The following BRCA1 variants were observed in gnomAD, a reference collection of about 807,000 sequenced individuals.
BRCA1 encodes the protein BRCA1 DNA repair associated.
In BRCA1, 140 loss-of-function variants were observed where a neutral mutation model predicts 173.7. That is an observed-to-expected ratio of 0.81 (90% CI 0.70 to 0.93). The LOEUF is 0.93. Ranked by LOEUF, BRCA1 falls within the 40% of genes least tolerant of loss-of-function variation. BRCA1 has a pLI of 0.00. For synonymous variants in BRCA1, 662 were observed against 756.0 expected (o/e 0.88, Z 2.04); for missense variants, 1,983 against 2,172.5 (o/e 0.91, Z 1.73).
chr17:43,143,768 G>A (rs1320408988), intron 1 of BRCA1, among the ~76,000 whole-genome samples: 2 of 152,138 alleles, frequency 1.3e-5, no homozygotes, highest in East Asian at 1.9e-4. Flanking sequence ...GGCAGTACAC[G>A]TGAATGGAGA....
intron 1 of BRCA1, among the ~76,000 whole-genome samples, chr17:43,155,649 C>G (rs2056192148): frequency 6.6e-6 from 1 of 152,136 alleles, no homozygotes; most frequent in African/African-American, 2.4e-5. Flanking sequence ...TCTTGTGCCT[C>G]AGCCTTCCAA....
chr17:43,135,896 CCT>C (rs1183822328), intron 1 of BRCA1, among the ~76,000 whole-genome samples: 2 of 152,214 alleles, frequency 1.3e-5, no homozygotes, highest in Admixed American at 6.5e-5. Context: ...AGGCGCCCGG[CCT>C]CTCACACCCT....
intron 18 of BRCA1, among the ~76,000 whole-genome samples, chr17:43,062,169 C>T (rs763492078): frequency 6.8e-6 from 1 of 147,152 alleles, no homozygotes; most frequent in Non-Finnish European, 1.5e-5. Flanking sequence ...TCATAGCTCA[C>T]TGCAGCCTTG....
chr17:43,077,891 T>A lies in BRCA1; in HGVS notation c.4358-1277A>T, dbSNP rs4318274. Among the ~76,000 whole-genome samples, 74,375 of 151,136 alleles carry A rather than the reference T, an allele frequency of 0.49. 21,647 individuals carry two copies. The highest frequency in any genetic ancestry group is 0.82 in the African/African-American group (34,011 of 41,244). On this transcript the variant is annotated intron_variant, in intron 12 of 22. Transcript: ENST00000357654. ...GTTGGGATTACAGGTATGCACCACC[T>A]CGCCCAACTAATTTTGTATTTTTAG...
Position 43,093,159 on chromosome 17 carries a change from A to G in BRCA1, c.2372T>C (p.Leu791Pro). Residue 791 changes from leucine to proline, a missense_variant, in exon 10 of 23, where the codon CTA (leucine) becomes CCA (proline). By Grantham distance (98) the Leu-to-Pro change is moderately conservative (BLOSUM62 -3). Coordinates refer to ENST00000357654, the MANE Select transcript of BRCA1 (RefSeq NM_007294.4). ...ESISLLEVST[L>P]GKAKTEPNKC... ...ATTTGGTTCTGTTTTTGCCTTCCCT[A>G]GAGTGCTAACTTCCAGTAACGAGAT... 4 of 1,613,760 alleles carry G rather than the reference A, an allele frequency of 2.5e-6. No individual in the cohort carries two copies. The highest frequency in any genetic ancestry group is 3.4e-6 in the Non-Finnish European group (4 of 1,179,906).
intron 2 of BRCA1, among the ~76,000 whole-genome samples, chr17:43,121,399 A>G (rs1039781534): frequency 6.6e-6 from 1 of 151,286 alleles, no homozygotes; most frequent in Non-Finnish European, 1.5e-5. Context: ...AAACAAAACA[A>G]AAAGTCTGGG....
intron 5 of BRCA1, 92 bp downstream of exon 5, chr17:43,104,776 C>CTTA (rs1027218314): frequency 7.7e-6 from 9 of 1,163,636 alleles, no homozygotes; most frequent in Non-Finnish European, 1.2e-5. Context: ...ACTAAAAGGT[C>CTTA]TTATCACCAC....
chr17:43,142,950 A>G lies in BRCA1; in HGVS notation c.-19-18835T>C, dbSNP rs1462915509. On this transcript the variant is annotated intron_variant, in intron 1 of 7. Coordinates refer to the BRCA1 transcript ENST00000634433. ...TGTGTGTGTGTGTGTGTATATATAT[A>G]TGTGTGTGTGTGTGTGTATATATAT... Among the ~76,000 whole-genome samples the G allele has an allele frequency of 7.0e-4, 94 of 134,912 alleles. 2 individuals carry two copies. Among genetic ancestry groups the G allele is most frequent in the South Asian group, 4.1e-3 (15 of 3,658 alleles). 88.5% of individuals were successfully genotyped at this position (134,912 alleles called of 152,430 possible).
At chr17:43,096,471 T>C (rs1247414515) in intron 8 of BRCA1, among the ~76,000 whole-genome samples, 2 of 150,544 alleles carry the variant, frequency 1.3e-5, no homozygotes, top group Non-Finnish European at 3.0e-5. Context: ...ACTCGTGAGA[T>C]TGAGACAGGA....
At chr17:43,107,737 C>T (rs1417309961) in intron 3 of BRCA1, among the ~76,000 whole-genome samples, 1 of 151,980 alleles carries the variant, frequency 6.6e-6, no homozygotes, top group Non-Finnish European at 1.5e-5. Flanking sequence ...AAAGTATAAC[C>T]ACATGTAAAA....
chr17:43,061,332 ACTATT>A (rs1373088966), intron 18 of BRCA1, among the ~76,000 whole-genome samples: 3 of 152,084 alleles, frequency 2.0e-5, no homozygotes, highest in Non-Finnish European at 4.4e-5. Context: ...GACAGCTAAT[ACTATT>A]CCACTGTTCT....
chr17:43,070,091 G>A (rs1002393792), intron 15 of BRCA1, among the ~76,000 whole-genome samples: 10 of 151,970 alleles, frequency 6.6e-5, no homozygotes, highest in African/African-American at 2.4e-4. Flanking sequence ...GCGCCACCAC[G>A]CCCGGCTAAT....
Position 43,067,588 on chromosome 17 carries a change from T to G in BRCA1, c.5074+20A>C. The stretch of plus-strand genomic sequence containing the variant: ...TTTATGCAGCAGATGCAAGGTATTC[T>G]GTAAAGGTTCTTGGTATACCTGTTT... On this transcript the variant is annotated intron_variant, in intron 16 of 22. Coordinates refer to ENST00000357654, the MANE Select transcript of BRCA1 (RefSeq NM_007294.4). 3 of 1,575,498 alleles carry G rather than the reference T, an allele frequency of 1.9e-6. No individual in the cohort carries two copies. The highest frequency in any genetic ancestry group is 2.2e-5 in the East Asian group (1 of 44,692).
intron 14 of BRCA1, among the ~76,000 whole-genome samples, chr17:43,071,938 G>A (rs576618433): frequency 4.2e-4 from 64 of 151,956 alleles, no homozygotes; most frequent in African/African-American, 1.5e-3. Flanking sequence ...TACCCGGGAG[G>A]CAGAGCTTGC....
At chr17:43,108,499 T>C (rs1000494544) in intron 3 of BRCA1, among the ~76,000 whole-genome samples, 10 of 151,064 alleles carry the variant, frequency 6.6e-5, no homozygotes, top group African/African-American at 2.4e-4. Context: ...GGCCTGGAGT[T>C]TGAGACCAGC....
chr17:43,050,461 A>G (rs983033870), intron 20 of BRCA1, among the ~76,000 whole-genome samples: 2 of 151,642 alleles, frequency 1.3e-5, no homozygotes, highest in African/African-American at 4.9e-5. Flanking sequence ...AAAATACAAA[A>G]AATTAGTCGG....
chr17:43,057,209 G>C (rs1463949080), intron 18 of BRCA1, 74 bp from the exon 19 acceptor site: 1 of 1,473,724 alleles, frequency 6.8e-7, no homozygotes, highest in Admixed American at 1.7e-5. Flanking sequence ...GAGCAGACAC[G>C]TCATATTTAA....
At chr17:43,070,153 G>C (rs1177389629) in intron 15 of BRCA1, among the ~76,000 whole-genome samples, 1 of 152,024 alleles carries the variant, frequency 6.6e-6, no homozygotes, top group Non-Finnish European at 1.5e-5. Context: ...GGCTGGTCTT[G>C]ATCTCCTGAC....
intron 1 of BRCA1, among the ~76,000 whole-genome samples, chr17:43,141,610 C>A (rs561498661): frequency 6.6e-6 from 1 of 151,708 alleles, no homozygotes; most frequent in East Asian, 2.0e-4. Flanking sequence ...GTCAGGAGAT[C>A]GAGACCATCT....
Sources: gnomAD v4.1 joint callset for allele counts (sites outside exome capture counted in the v4.1 genomes callset) on GRCh38, gnomAD v4.1.1 for gene constraint, MANE v1.5 for transcripts, NCBI Gene and HGNC (gene_info 2026-07-23, HGNC 2026-07-21) for gene names.